CSMD3: variants seen among roughly 807,000 people sequenced by gnomAD.
The protein encoded by CSMD3 is CUB and sushi domain-containing protein 3.
CSMD3 carries 177 observed loss-of-function variants against 435.2 expected under a neutral mutation model. That is an observed-to-expected ratio of 0.41 (90% CI 0.36 to 0.46). CSMD3 has a LOEUF of 0.46. CSMD3 is among the 20% of genes least tolerant of loss of function. The pLI, the probability that CSMD3 is intolerant of heterozygous loss-of-function variation, is 0.34. For synonymous variants in CSMD3, 1,656 were observed against 1,520.5 expected (o/e 1.09, Z -2.07); for missense variants, 4,265 against 4,504.6 (o/e 0.95, Z 1.52).
At chr8:112,538,604 T>G (rs1195053629) in intron 27 of CSMD3, among the ~76,000 whole-genome samples, 1 of 151,890 alleles carries the variant, frequency 6.6e-6, no homozygotes, top group Non-Finnish European at 1.5e-5. Flanking sequence ...TTACAATAGC[T>G]ACAAAATATA....
At chr8:113,429,640 T>A (rs552456368) in intron 1 of CSMD3, among the ~76,000 whole-genome samples, 1 of 152,120 alleles carries the variant, frequency 6.6e-6, no homozygotes, top group Non-Finnish European at 1.5e-5. Context: ...CACAAGCATA[T>A]AATTACTAAT....
At chr8:113,125,784 T>A (rs1330469617) in intron 4 of CSMD3, among the ~76,000 whole-genome samples, 1 of 151,726 alleles carries the variant, frequency 6.6e-6, no homozygotes, top group Non-Finnish European at 1.5e-5. Flanking sequence ...CATTGATGAG[T>A]TTTGGAGGAC....
intron 15 of CSMD3, among the ~76,000 whole-genome samples, chr8:112,684,976 T>A (rs2131799698): frequency 6.6e-6 from 1 of 152,282 alleles, no homozygotes; most frequent in East Asian, 1.9e-4. Flanking sequence ...CTTTGGAATT[T>A]TAATTCTATG....
At chr8:112,488,211 C>G (rs796668437) in intron 31 of CSMD3, among the ~76,000 whole-genome samples, 4 of 152,266 alleles carry the variant, frequency 2.6e-5, no homozygotes, top group African/African-American at 9.6e-5. Flanking sequence ...AATCCTAAAT[C>G]ATGGTAAAAA....
At chr8:112,653,660 C>CTT (rs71309782) in intron 18 of CSMD3, among the ~76,000 whole-genome samples, 9 of 130,170 alleles carry the variant, frequency 6.9e-5, no homozygotes, top group East Asian at 2.1e-4. Context: ...ATAATCTTAT[C>CTT]TTTTTTTTTT....
At chr8:112,349,302 A>G (rs935300915) in intron 40 of CSMD3, among the ~76,000 whole-genome samples, 7 of 152,094 alleles carry the variant, frequency 4.6e-5, no homozygotes, top group African/African-American at 1.4e-4. Context: ...TGACATTTCA[A>G]ATTTTGAAAA....
chr8:112,454,512 G>A (rs1816625514), intron 32 of CSMD3, among the ~76,000 whole-genome samples: 1 of 151,996 alleles, frequency 6.6e-6, no homozygotes, highest in East Asian at 1.9e-4. Flanking sequence ...TAGTCATCAG[G>A]GAAATGCAAA....
intron 32 of CSMD3, among the ~76,000 whole-genome samples, chr8:112,409,286 C>T (rs531146671): frequency 2.6e-5 from 4 of 151,882 alleles, no homozygotes; most frequent in Admixed American, 6.6e-5. Flanking sequence ...TATAAATGAG[C>T]ATAGCATTTA....
chr8:112,790,468 A>G (rs2078659343), intron 13 of CSMD3, among the ~76,000 whole-genome samples: 1 of 152,070 alleles, frequency 6.6e-6, no homozygotes, highest in South Asian at 2.1e-4. Flanking sequence ...TTTCTTAGGC[A>G]TGTACCATCA....
At chr8:112,240,306 G>A (rs1310731211) in intron 66 of CSMD3, among the ~76,000 whole-genome samples, 2 of 151,864 alleles carry the variant, frequency 1.3e-5, no homozygotes, top group Non-Finnish European at 1.5e-5. Context: ...TTGATGTGCT[G>A]GAGCTATTAT....
intron 28 of CSMD3, among the ~76,000 whole-genome samples, chr8:112,513,319 C>A (rs1045438136): frequency 6.6e-6 from 1 of 152,174 alleles, no homozygotes; most frequent in African/African-American, 2.4e-5. Context: ...AGATGTGCAA[C>A]TCTTCCTTTC....
At chr8:113,080,288 A>G (rs1275173109) in intron 5 of CSMD3, among the ~76,000 whole-genome samples, 1 of 152,188 alleles carries the variant, frequency 6.6e-6, no homozygotes, top group Non-Finnish European at 1.5e-5. Flanking sequence ...TAATTGAGTA[A>G]TGTCCATAAA....
intron 13 of CSMD3, among the ~76,000 whole-genome samples, chr8:112,760,006 G>A (rs2077798683): frequency 6.6e-6 from 1 of 152,006 alleles, no homozygotes; most frequent in Non-Finnish European, 1.5e-5. Flanking sequence ...AACTCTTCAA[G>A]GTCACAATGC....
At chr8:112,748,675 CT>C (rs199995342) in intron 13 of CSMD3, among the ~76,000 whole-genome samples, 102 of 151,874 alleles carry the variant, frequency 6.7e-4, no homozygotes, top group Middle Eastern at 3.4e-3. Flanking sequence ...TATGATGCTG[CT>C]TTTTTTTGGT....
intron 9 of CSMD3, among the ~76,000 whole-genome samples, chr8:112,929,526 C>G (rs2083035639): frequency 6.6e-6 from 1 of 151,796 alleles, no homozygotes; most frequent in Admixed American, 6.6e-5. Flanking sequence ...TGTTTTTATT[C>G]TGCTTTGCTT....
chr8:113,380,688 A>G (rs1359151227), intron 1 of CSMD3, among the ~76,000 whole-genome samples: 1 of 152,188 alleles, frequency 6.6e-6, no homozygotes, highest in Non-Finnish European at 1.5e-5. Flanking sequence ...AACTATGCCT[A>G]TATTCTGTTT....
intron 1 of CSMD3, among the ~76,000 whole-genome samples, chr8:113,355,749 T>TATATATATATATACAC (rs1357514892): frequency 9.3e-4 from 76 of 81,304 alleles, no homozygotes; most frequent in African/African-American, 3.6e-3. Context: ...TATATATATA[T>TATATATATATATACAC]ACACACACAC....
intron 35 of CSMD3, 113 bp downstream of exon 35, chr8:112,406,411 T>G: frequency 1.7e-6 from 1 of 574,248 alleles, no homozygotes; most frequent in Non-Finnish European, 3.0e-6. Flanking sequence ...CTTATTAAAT[T>G]ATTTAAAATT....
At chr8:112,541,463 A>T (rs1826653993) in intron 27 of CSMD3, among the ~76,000 whole-genome samples, 1 of 151,822 alleles carries the variant, frequency 6.6e-6, no homozygotes, top group African/African-American at 2.4e-5. Flanking sequence ...AAGAGACTAT[A>T]TTGAACAATT....
Sources: gnomAD v4.1 joint callset for allele counts (sites outside exome capture counted in the v4.1 genomes callset) on GRCh38, gnomAD v4.1.1 for gene constraint, MANE v1.5 for transcripts, NCBI Gene and HGNC (gene_info 2026-07-23, HGNC 2026-07-21) for gene names.